Variants in CDH16 observed in about 807,000 individuals in gnomAD.
The protein encoded by CDH16 is cadherin-16.
In CDH16, 79 loss-of-function variants were observed where a neutral mutation model predicts 87.6. The ratio of observed to expected loss-of-function variants is 0.90; its 90% CI spans 0.75 to 1.09. CDH16 has a LOEUF of 1.09. CDH16 is among the 50% of genes least tolerant of loss of function. The pLI is 0.00. For synonymous variants in CDH16, 457 were observed against 439.5 expected, an observed-to-expected ratio of 1.04 and a Z score of -0.50; for missense variants, 1,124 against 1,071.7, an observed-to-expected ratio of 1.05 and a Z score of -0.68.
Position 66,909,299 on chromosome 16 carries a change from A to T in CDH16, c.2360T>A (p.Val787Glu). The T allele has an allele frequency of 1.2e-6, 2 of 1,613,640 alleles. No individual in the cohort carries two copies. Among genetic ancestry groups the T allele is most frequent in the Non-Finnish European group, 1.7e-6 (2 of 1,179,684 alleles). ...MKGMPTKLSA[V>E]GILVGTLVAI... ...TACCAGGGTGCCTACAAGGATGCCC[A>T]CTGCCGACAGCTTCGTGGGCATGCC... The change falls in exon 17 of 18, where the codon GTG becomes GAG. Residue 787 changes from valine to glutamate, a missense_variant. Val to Glu is a moderately radical substitution (Grantham distance 121). Transcript: ENST00000299752. This position sits in a 1 kb window ranked among gnomAD's most constrained non-coding sequence, Gnocchi z 4.1.
chr16:66,915,484 A>T lies in CDH16; in HGVS notation c.425-106T>A, dbSNP rs553291118. On this transcript the variant is annotated intron_variant, in intron 5 of 17. Transcript: ENST00000299752. ...TCCTTTCTTCCCTATCCATTATCAC[A>T]TCAGGACTCCGGAGATGAGCCACGG... 2.3e-6 allele frequency: 3 copies of T among 1,277,894 alleles called. No homozygotes were observed. In the African/African-American group the frequency reaches 4.5e-5, roughly 19 times the overall value. 79.2% of individuals were successfully genotyped at this position (1,277,894 alleles called of 1,614,324 possible).
chr16:66,909,150 TG>T lies in CDH16; in HGVS notation c.2392+116del. 1 of 724,750 alleles carries T rather than the reference TG, an allele frequency of 1.4e-6. No homozygotes were observed. The highest frequency in any genetic ancestry group is 2.5e-6 in the Non-Finnish European group (1 of 396,464). 44.9% of individuals were successfully genotyped at this position (724,750 alleles called of 1,614,324 possible). On this transcript the variant is annotated intron_variant, in intron 17 of 17. Transcript: ENST00000299752. This position sits in a 1 kb window ranked among gnomAD's most constrained non-coding sequence, Gnocchi z 4.1. ...GCAGGCGCATAATGACTAGGAGAGT[TG>T]GGGGCTTCCTTTTTCAGAGCTAGGG...
chr16:66,918,028 A>G lies in CDH16; in HGVS notation c.38T>C (p.Val13Ala), dbSNP rs868308312. 1 of 1,580,866 alleles carries G rather than the reference A, an allele frequency of 6.3e-7. No individual in the cohort carries two copies. The highest frequency in any genetic ancestry group is 8.6e-7 in the Non-Finnish European group (1 of 1,163,200). ...PAWLWLLCVS[V>A]PQALPKAQPA... ...GGGCAGGGCCTAGCTCACCTGGGGG[A>G]CGGAGACACAAAGCAGCCACAGCCA... Residue 13 changes from valine to alanine, a missense_variant, in exon 2 of 18, where the codon GTC becomes GCC. By Grantham distance (64) the Val-to-Ala change is moderately conservative. Coordinates refer to ENST00000299752, the MANE Select transcript of CDH16 (RefSeq NM_004062.4).
rs1266468538 is a variant in CDH16, at chr16:66,910,304, G to A, written c.2123C>T (p.Pro708Leu). 5.0e-6 allele frequency: 8 copies of A among 1,613,014 alleles called. No homozygotes were observed. Among genetic ancestry groups the A allele is most frequent in the Non-Finnish European group, 6.8e-6 (8 of 1,179,526 alleles). Residue 708 changes from proline (P) to leucine (L), a missense_variant, in exon 15 of 18, where the codon CCC (proline) becomes CTC (leucine). Transcript: ENST00000299752. ...GHGPYSFTLGPNPTVQRDWRL... is the reference protein window; with the variant it reads ...GHGPYSFTLGLNPTVQRDWRL... ...CCAATCCCGTTGCACCGTGGGGTTG[G>A]GACCAAGGGTGAAGCTGTAGGGACC... is the stretch of plus-strand genomic sequence containing the variant.
Position 66,916,069 on chromosome 16 carries a change from C to A in CDH16, c.420G>T (p.Arg140Ser), listed in dbSNP as rs894280262. Reference protein sequence around the residue: ...IYRARLSRGTRPGIPFLFLEA... With the variant: ...IYRARLSRGTSPGIPFLFLEA... ...TTGGCTGCCCTGGTCACTCACCAGG[C>A]CTGGTACCCCGGCTCAGCCGAGCTC... Residue 140 changes from arginine (R) to serine (S), a missense_variant, in exon 5 of 18, where the codon AGG becomes AGT. Coordinates refer to ENST00000299752, the MANE Select transcript of CDH16 (RefSeq NM_004062.4). This position sits in a 1 kb window ranked among gnomAD's most constrained non-coding sequence, Gnocchi z 4.1. 4.3e-6 allele frequency: 7 copies of A among 1,614,082 alleles called. No homozygotes were observed. Among genetic ancestry groups the A allele is most frequent in the African/African-American group, 2.7e-5 (2 of 74,950 alleles).
In CDH16 at chr16:66,909,892, C is replaced by A; in HGVS notation, c.2275+94G>T. 1.1e-6 allele frequency: 1 copy of A among 896,164 alleles called. No individual in the cohort carries two copies. Among genetic ancestry groups the A allele is most frequent in the Non-Finnish European group, 1.8e-6 (1 of 565,144 alleles). The allele number at this position is 896,164 out of a possible 1,614,324, so 55.5% of individuals were successfully genotyped here. A position where few individuals can be genotyped will look rare whatever the true frequency, so the allele number is the denominator to read the frequency against. The stretch of plus-strand genomic sequence containing the variant: ...AGTGTGCACAGGCATGTGCTGTCCA[C>A]ATGAGCAGCCTGTATGCATGTGTAC... On this transcript the variant is annotated intron_variant, in intron 16 of 17. Transcript: ENST00000299752. The surrounding 1 kb of genome is among the most constrained non-coding windows in gnomAD (Gnocchi z 4.1).
At chr16:66,918,190 C>CTTTGGAGGGGAGGAAG in intron 1 of CDH16, 112 bp from the exon 2 acceptor site, 1 of 701,398 alleles carries the variant, frequency 1.4e-6, no homozygotes, top group Non-Finnish European at 2.2e-6. Flanking sequence ...TCCTCCCCTC[C>CTTTGGAGGGGAGGAAG]AAAGGAGCTG....
chr16:66,910,311 G>A lies in CDH16; in HGVS notation c.2116C>T (p.Leu706Phe), dbSNP rs760574526. 1 of 1,613,518 alleles carries A rather than the reference G, an allele frequency of 6.2e-7. No individual in the cohort carries two copies. The highest frequency in any genetic ancestry group is 8.5e-7 in the Non-Finnish European group (1 of 1,179,700). ...ASGHGPYSFT[L>F]GPNPTVQRDW... ...CGTTGCACCGTGGGGTTGGGACCAA[G>A]GGTGAAGCTGTAGGGACCGTGCCCA... The change falls in exon 15 of 18, where the codon CTT becomes TTT. Residue 706 changes from leucine (L) to phenylalanine (F), a missense_variant. By Grantham distance (22) the Leu-to-Phe change is conservative. Transcript: ENST00000299752.
rs759434905 is a variant in CDH16, at chr16:66,917,637, C to T, written c.129+5G>A. On this transcript the variant is annotated splice_donor_5th_base_variant and intron_variant, in intron 3 of 17. Coordinates refer to ENST00000299752, the MANE Select transcript of CDH16 (RefSeq NM_004062.4). The stretch of plus-strand genomic sequence containing the variant: ...CCCGGCCCCAACCCCAGCTCTCCGG[C>T]TCACCTTGGTCAGGTATAAAGGGAA... The T allele has an allele frequency of 7.5e-6, 12 of 1,610,044 alleles. No homozygotes were observed. The highest frequency in any genetic ancestry group is 1.7e-4 in the Middle Eastern group (1 of 6,056).
Position 66,912,863 on chromosome 16 carries a change from C to G in CDH16, c.1083G>C (p.Glu361Asp). 1 of 1,612,666 alleles carries G rather than the reference C, an allele frequency of 6.2e-7. No individual in the cohort carries two copies. Reference sequence around the variant, plus strand: ...TGGGGGAGCCGGGGGCATCTGCATCCTCTGCTGACAGTCTAGTCACTTCAG... The same window carrying G: ...TGGGGGAGCCGGGGGCATCTGCATCGTCTGCTGACAGTCTAGTCACTTCAG... The part of the protein sequence containing the change: ...PGTEVTRLSA[E>D]DADAPGSPNS... Residue 361 changes from glutamate (E) to aspartate (D), a missense_variant, in exon 10 of 18, where the codon GAG (glutamate) becomes GAC (aspartate). By Grantham distance (45) the Glu-to-Asp change is conservative. Coordinates refer to ENST00000299752, the MANE Select transcript of CDH16 (RefSeq NM_004062.4).
At chr16:66,915,410 G>A (rs757372555) in intron 5 of CDH16, 32 bp from the exon 6 acceptor site, 5 of 1,605,300 alleles carry the variant, frequency 3.1e-6, no homozygotes, top group Non-Finnish European at 4.3e-6. Flanking sequence ...AACTGTAAGG[G>A]ATAGAGAGGG....
rs762526771 is a variant in CDH16, at chr16:66,912,551, C to A, written c.1312G>T (p.Ala438Ser). The A allele has an allele frequency of 2.5e-6, 4 of 1,614,154 alleles. No individual in the cohort carries two copies. The Admixed American group carries it at 5.0e-5, about 20-fold the overall frequency. Residue 438 changes from alanine to serine, a missense_variant, in exon 11 of 18, where the codon GCA becomes TCA. By Grantham distance (99) the Ala-to-Ser change is moderately conservative (BLOSUM62 1). Coordinates refer to ENST00000299752, the MANE Select transcript of CDH16 (RefSeq NM_004062.4). ...GCGTGATCATTGATATCTGTGACTG[C>A]GACTTCGACTTCACACGTGCTGCTG... ...GFSSTCEVEV[A>S]VTDINDHAPE... is the part of the protein sequence containing the mutation.
intron 2 of CDH16, 80 bp from the exon 3 acceptor site, chr16:66,917,805 C>T (rs1216498205): frequency 1.8e-5 from 23 of 1,290,422 alleles, no homozygotes; most frequent in Non-Finnish European, 2.2e-5. Flanking sequence ...GCGGAATTTC[C>T]GCCCCTTCCC....
rs1596986067 is a variant in CDH16, at chr16:66,916,692, G to A, written c.130-263C>T. 6.6e-6 allele frequency among the ~76,000 whole-genome samples: 1 copy of A among 151,976 alleles called. No individual in the cohort carries two copies. Among genetic ancestry groups the A allele is most frequent in the East Asian group, 1.9e-4 (1 of 5,176 alleles). ...CCGAGATTTCGTTCTTTAATCTAAA[G>A]CTCTGCTCTCCACTAGGATTAAAAT... On this transcript the variant is annotated intron_variant, in intron 3 of 17. Coordinates refer to ENST00000299752, the MANE Select transcript of CDH16 (RefSeq NM_004062.4). This position sits in a 1 kb window ranked among gnomAD's most constrained non-coding sequence, Gnocchi z 4.1.
At position 66,918,027 on chromosome 16, in the gene CDH16, G is replaced by T; in HGVS notation, c.39C>A (p.Val13=). ...GGGGCAGGGCCTAGCTCACCTGGGG[G>T]ACGGAGACACAAAGCAGCCACAGCC... ...PAWLWLLCVS[V]PQALPKAQPA... Residue 13 remains valine (V), a synonymous_variant, in exon 2 of 18, where the codon GTC becomes GTA. Transcript: ENST00000299752. 1 of 1,581,736 alleles carries T rather than the reference G, an allele frequency of 6.3e-7. No individual in the cohort carries two copies. The highest frequency in any genetic ancestry group is 8.6e-7 in the Non-Finnish European group (1 of 1,163,652).
chr16:66,917,672 A>T lies in CDH16; in HGVS notation c.99T>A (p.Tyr33Ter), dbSNP rs140841046. The change falls in exon 3 of 18, where the codon TAT becomes TAA. Residue 33 changes from tyrosine (Y) to a stop codon, truncating the protein, a stop_gained. Transcript: ENST00000299752. LOFTEE classifies it high-confidence loss of function. ...TCAGGTATAAAGGGAAATTTCCACC[A>T]TAGTTTTCTGGAACTTCCACAGACA... ...AELSVEVPEN[Y>*]GGNFPLYLTK... 3 of 1,613,588 alleles carry T rather than the reference A, an allele frequency of 1.9e-6. No homozygotes were observed. The Admixed American group carries it at 5.0e-5, about 27-fold the overall frequency.
intron 17 of CDH16, 61 bp from the exon 18 acceptor site, chr16:66,908,550 G>A (rs1418572985): frequency 1.3e-5 from 17 of 1,268,248 alleles, no homozygotes; most frequent in African/African-American, 4.4e-5. Flanking sequence ...TGTTCATCAC[G>A]AGGGACTTCC....
Position 66,914,332 on chromosome 16 carries a change from C to T in CDH16, c.664G>A (p.Gly222Ser), listed in dbSNP as rs777031050. ...QVKDMGDQASGHQATATVEVS... is the reference protein window; with the variant it reads ...QVKDMGDQASSHQATATVEVS... ...TCCACGGTGGCAGTGGCCTGGTGGC[C>T]TGAGGCCTGGTCACCCATGTCCTTG... Residue 222 changes from glycine to serine, a missense_variant, in exon 7 of 18, where the codon GGC becomes AGC. By Grantham distance (56) the Gly-to-Ser change is moderately conservative. Coordinates refer to ENST00000299752, the MANE Select transcript of CDH16 (RefSeq NM_004062.4). 6.2e-7 allele frequency: 1 copy of T among 1,614,196 alleles called. No individual in the cohort carries two copies. The highest frequency in any genetic ancestry group is 2.2e-5 in the East Asian group (1 of 44,888).
In CDH16 at chr16:66,911,967, G is replaced by A. The variant is rs1230464844; in HGVS notation, c.1722C>T (p.Pro574=). The A allele has an allele frequency of 6.2e-6, 10 of 1,613,934 alleles. No individual in the cohort carries two copies. Among genetic ancestry groups the A allele is most frequent in the Non-Finnish European group, 7.6e-6 (9 of 1,179,966 alleles). The part of the protein sequence containing the change: ...LDQESYEASV[P]ISAPAGSFLL... ...GGAAAGAGCCGGCTGGGGCACTGAT[G>A]GGGACACTGGCCTCGTAGCTCTCCT... The change falls in exon 13 of 18, where the codon CCC becomes CCT. Residue 574 remains proline (P), a synonymous_variant. Coordinates refer to ENST00000299752, the MANE Select transcript of CDH16 (RefSeq NM_004062.4).
Sources: allele counts gnomAD v4.1 joint callset (sites outside exome capture counted in the v4.1 genomes callset), GRCh38; gene constraint gnomAD v4.1.1; non-coding constraint Gnocchi (gnomAD v3.1); transcripts MANE v1.5; gene names NCBI Gene and HGNC (gene_info 2026-07-23, HGNC 2026-07-21).